FER1L6: variants seen among roughly 807,000 people sequenced by gnomAD.
FER1L6 encodes the protein fer-1 like family member 6.
Under a neutral mutation model 219.2 loss-of-function variants are expected in FER1L6, and 177 were observed. That is an observed-to-expected ratio of 0.81 (90% CI 0.71 to 0.91). The LOEUF (loss-of-function observed/expected upper bound fraction) is 0.91. FER1L6 is among the 40% of genes least tolerant of loss of function. The pLI is 0.00. For missense variants in FER1L6, 2,153 were observed against 2,259.9 expected (o/e 0.95, Z 0.96); for synonymous variants, 768 against 824.3 (o/e 0.93, Z 1.17).
intron 1 of FER1L6, among the ~76,000 whole-genome samples, chr8:123,899,566 T>C (rs1812821985): frequency 6.6e-6 from 1 of 152,204 alleles, no homozygotes; most frequent in Non-Finnish European, 1.5e-5. Flanking sequence ...TTTTGGGTTC[T>C]TGGTCATGAA....
At chr8:123,973,007 A>T (rs1815890683) in intron 6 of FER1L6, among the ~76,000 whole-genome samples, 1 of 152,204 alleles carries the variant, frequency 6.6e-6, no homozygotes, top group South Asian at 2.1e-4. Context: ...AAATGATTCA[A>T]GGCAATATGT....
In FER1L6 at chr8:124,091,551, CTGGAAAAA is replaced by C; in HGVS notation, c.4521_4528del (p.Gly1508TyrfsTer4). 1.9e-6 allele frequency: 3 copies of C among 1,614,018 alleles called. No homozygotes were observed. The highest frequency in any genetic ancestry group is 2.2e-5 in the East Asian group (1 of 44,876). On this transcript the variant is annotated frameshift_variant, in exon 34 of 41. Transcript: ENST00000522917. LOFTEE classifies it high-confidence loss of function. ...ATACAGATAGGAAACCAAGTCTTTT[CTGGAAAAA>C]CTATCTTCACTGAAGAGGACACTGG... is the stretch of plus-strand genomic sequence containing the variant.
chr8:124,024,937 T>C (rs1169390255), intron 18 of FER1L6, among the ~76,000 whole-genome samples: 1 of 152,238 alleles, frequency 6.6e-6, no homozygotes, highest in Non-Finnish European at 1.5e-5. Flanking sequence ...ATTGTTTTAA[T>C]TTGCATTTCC....
intron 22 of FER1L6, among the ~76,000 whole-genome samples, chr8:124,059,320 C>T (rs1414789421): frequency 6.6e-6 from 1 of 152,204 alleles, no homozygotes; most frequent in Non-Finnish European, 1.5e-5. Context: ...ACAGCAGAGC[C>T]TTATTTCTGG....
chr8:123,913,867 A>T (rs1399339509), intron 1 of FER1L6, among the ~76,000 whole-genome samples: 2 of 152,100 alleles, frequency 1.3e-5, no homozygotes, highest in Non-Finnish European at 2.9e-5. Context: ...ATACAATTGA[A>T]TTTTTCCTAA....
chr8:123,887,183 A>G (rs1391343246), intron 1 of FER1L6, among the ~76,000 whole-genome samples: 1 of 151,978 alleles, frequency 6.6e-6, no homozygotes, highest in African/African-American at 2.4e-5. Context: ...GGTTAGGGAG[A>G]TGGATTTGAG....
intron 1 of FER1L6, among the ~76,000 whole-genome samples, chr8:123,859,957 A>G (rs1356396260): frequency 7.5e-6 from 1 of 133,616 alleles, no homozygotes; most frequent in East Asian, 2.1e-4. Flanking sequence ...ATTTATTTTT[A>G]TTATTATTAT....
intron 39 of FER1L6, among the ~76,000 whole-genome samples, chr8:124,103,551 T>C (rs1482633033): frequency 6.6e-6 from 1 of 152,216 alleles, no homozygotes; most frequent in Non-Finnish European, 1.5e-5. Flanking sequence ...TTAATTTTTT[T>C]TCAACATTTC....
intron 1 of FER1L6, among the ~76,000 whole-genome samples, chr8:123,945,194 C>T (rs570424054): frequency 6.6e-6 from 1 of 152,150 alleles, no homozygotes; most frequent in African/African-American, 2.4e-5. Context: ...GACTGGGAAG[C>T]CCCTGTATAT....
chr8:123,985,967 A>G (rs1281569315), intron 11 of FER1L6, 101 bp from the exon 12 acceptor site: 2 of 687,600 alleles, frequency 2.9e-6, no homozygotes, highest in African/African-American at 1.8e-5. Flanking sequence ...CAGAGACCCA[A>G]ATGTTTATAA....
intron 1 of FER1L6, among the ~76,000 whole-genome samples, chr8:123,865,360 T>C (rs2130263526): frequency 6.7e-6 from 1 of 150,072 alleles, no homozygotes; most frequent in Admixed American, 6.6e-5. Context: ...AGCTGCGTGC[T>C]GGGAGAACCA....
intron 12 of FER1L6, 94 bp from the exon 13 acceptor site, chr8:124,003,073 C>T: frequency 9.8e-7 from 1 of 1,015,646 alleles, no homozygotes; most frequent in Non-Finnish European, 1.5e-6. Flanking sequence ...TACCTTATTG[C>T]TGTGGGAGAA....
At chr8:124,082,530 A>C in intron 33 of FER1L6, 72 bp downstream of exon 33, 2 of 1,409,128 alleles carry the variant, frequency 1.4e-6, no homozygotes, top group Non-Finnish European at 2.0e-6. Flanking sequence ...CAGACTCTGC[A>C]TCCCAGTTGT....
chr8:123,930,660 G>T (rs1206954451), intron 1 of FER1L6, among the ~76,000 whole-genome samples: 3 of 152,148 alleles, frequency 2.0e-5, no homozygotes, highest in Non-Finnish European at 4.4e-5. Flanking sequence ...CCCCAGAGAA[G>T]TGGCTTAACT....
intron 39 of FER1L6, among the ~76,000 whole-genome samples, chr8:124,118,486 T>A (rs941810778): frequency 1.3e-5 from 2 of 152,198 alleles, no homozygotes; most frequent in Non-Finnish European, 2.9e-5. Context: ...CTGTATCGGA[T>A]TCAAAAGGGT....
Position 124,013,306 on chromosome 8 carries a change from A to C in FER1L6, c.1822-125A>C, listed in dbSNP as rs1818027946. On this transcript the variant is annotated intron_variant, in intron 14 of 40. Transcript: ENST00000522917. The stretch of plus-strand genomic sequence containing the variant: ...CAATTCAAGTACAAGAAAACTAGAT[A>C]AATCCTCCTTCATTGCCAAAACAAA... 9.4e-6 allele frequency: 5 copies of C among 534,738 alleles called. No individual in the cohort carries two copies. In the South Asian group the frequency reaches 1.6e-4, roughly 17 times the overall value. The allele number at this position is 534,738 out of a possible 1,614,324, so 33.1% of individuals were successfully genotyped here.
intron 39 of FER1L6, among the ~76,000 whole-genome samples, chr8:124,104,560 C>G (rs934787175): frequency 2.0e-5 from 3 of 152,154 alleles, no homozygotes; most frequent in African/African-American, 7.2e-5. Context: ...ATGATGAGTA[C>G]AGTATGGAGG....
chr8:124,051,843 C>T (rs752234480), intron 22 of FER1L6, among the ~76,000 whole-genome samples: 2 of 152,158 alleles, frequency 1.3e-5, no homozygotes, highest in Non-Finnish European at 2.9e-5. Flanking sequence ...CTCATCTTAT[C>T]AAAGACTTTC....
At chr8:124,041,813 G>A (rs968912516) in intron 20 of FER1L6, among the ~76,000 whole-genome samples, 1 of 152,112 alleles carries the variant, frequency 6.6e-6, no homozygotes, top group Non-Finnish European at 1.5e-5. Flanking sequence ...TGGTGATGAT[G>A]AGTATAGACT....
Sources: allele counts gnomAD v4.1 joint callset (sites outside exome capture counted in the v4.1 genomes callset), GRCh38; gene constraint gnomAD v4.1.1; transcripts MANE v1.5; gene names NCBI Gene and HGNC (gene_info 2026-07-23, HGNC 2026-07-21).